The following FAM13C variants were observed in gnomAD, a reference collection of about 807,000 sequenced individuals.
FAM13C encodes the protein protein FAM13C.
FAM13C carries 37 observed loss-of-function variants against 73.2 expected under a neutral mutation model. That is an observed-to-expected ratio of 0.51 (90% CI 0.39 to 0.67). The LOEUF is 0.67. Ranked by LOEUF, FAM13C falls within the 30% of genes least tolerant of loss-of-function variation. The pLI, the probability that FAM13C is intolerant of heterozygous loss-of-function variation, is 0.00. For missense variants in FAM13C, 589 were observed against 715.6 expected (o/e 0.82, Z 2.02); for synonymous variants, 246 against 260.9 (o/e 0.94, Z 0.55).
chr10:59,336,814 G>A (rs549413475), intron 3 of FAM13C, among the ~76,000 whole-genome samples: 4 of 152,320 alleles, frequency 2.6e-5, no homozygotes, highest in South Asian at 2.1e-4. Flanking sequence ...ATAGAAAAAC[G>A]TTTGCAAAGC....
chr10:59,351,524 G>A (rs1319762055), intron 3 of FAM13C, among the ~76,000 whole-genome samples: 1 of 152,058 alleles, frequency 6.6e-6, no homozygotes, highest in South Asian at 2.1e-4. Context: ...ATACATACTA[G>A]TATGTTTATT....
intron 6 of FAM13C, among the ~76,000 whole-genome samples, chr10:59,271,613 T>C (rs1589411107): frequency 6.6e-6 from 1 of 152,268 alleles, no homozygotes; most frequent in East Asian, 1.9e-4. Flanking sequence ...TTGCCATGAA[T>C]AATTTACCCA....
Position 59,265,679 on chromosome 10 carries a change from G to A in FAM13C, c.943-1513C>T, listed in dbSNP as rs1387890494. ...AAGCCAGTGACTGCAAAAGAAATAA[G>A]TTTTTACTACGGTGCATAGAACTTA... is the stretch of plus-strand genomic sequence containing the variant. On this transcript the variant is annotated intron_variant, in intron 8 of 13. Transcript: ENST00000618804. Among the ~76,000 whole-genome samples the A allele has an allele frequency of 2.0e-5, 3 of 152,230 alleles. No homozygotes were observed. The East Asian group carries it at 5.8e-4, about 29-fold the overall frequency.
intron 4 of FAM13C, among the ~76,000 whole-genome samples, chr10:59,308,520 GCATCACCCCCAT>G (rs1176245416): frequency 1.5e-5 from 1 of 67,116 alleles, no homozygotes; most frequent in African/African-American, 4.5e-5. Flanking sequence ...CCACCCACCA[GCATCACCCCCAT>G]CATCACCCCC....
At chr10:59,290,264 T>C (rs1447864082) in intron 5 of FAM13C, among the ~76,000 whole-genome samples, 2 of 152,196 alleles carry the variant, frequency 1.3e-5, no homozygotes, top group East Asian at 3.9e-4. Flanking sequence ...TTGTCTGCAA[T>C]TCACCAGTCC....
intron 10 of FAM13C, among the ~76,000 whole-genome samples, chr10:59,255,032 ATTAC>A (rs925886902): frequency 6.6e-6 from 1 of 152,172 alleles, no homozygotes; most frequent in Non-Finnish European, 1.5e-5. Flanking sequence ...CTCTTCCTTA[ATTAC>A]TTCTTCATTC....
At chr10:59,306,676 G>GC (rs1848298095) in intron 4 of FAM13C, among the ~76,000 whole-genome samples, 1 of 151,976 alleles carries the variant, frequency 6.6e-6, no homozygotes, top group Admixed American at 6.5e-5. Context: ...AGGAGTTCGA[G>GC]ACCAGCCTGG....
chr10:59,338,832 G>A (rs115369870), intron 3 of FAM13C, among the ~76,000 whole-genome samples: 2,182 of 152,302 alleles, frequency 0.014, 54 homozygotes, highest in African/African-American at 0.05. Flanking sequence ...GGAGCAGCAA[G>A]GAGCCAGCCC....
At chr10:59,326,120 G>A (rs1357040111) in intron 3 of FAM13C, among the ~76,000 whole-genome samples, 1 of 152,026 alleles carries the variant, frequency 6.6e-6, no homozygotes, top group Non-Finnish European at 1.5e-5. Context: ...GCCAAACACT[G>A]TTGGATTCCC....
At position 59,270,000 on chromosome 10, in the gene FAM13C, G is replaced by A; in HGVS notation, c.702C>T (p.Asn234=). Residue 234 remains asparagine (N), a synonymous_variant, in exon 7 of 14, where the codon AAC becomes AAT. Coordinates refer to ENST00000618804, the MANE Select transcript of FAM13C (RefSeq NM_198215.4). ...RLLYHITDGD[N]PLLSPRCSIF... ...TGGAGCATCGTGGCGACAGCAGTGG[G>A]TTATCACCATCAGTGATGTGATAGA... The A allele has an allele frequency of 6.2e-7, 1 of 1,614,008 alleles. No individual in the cohort carries two copies.
rs1843329324 is a variant in FAM13C, at chr10:59,268,452, C to A, written c.942+101G>T. 7 of 1,490,020 alleles carry A rather than the reference C, an allele frequency of 4.7e-6. No individual in the cohort carries two copies. In the Admixed American group the frequency reaches 1.3e-4, roughly 27 times the overall value. The allele number at this position is 1,490,020 out of a possible 1,614,324, so 92.3% of individuals were successfully genotyped here. On this transcript the variant is annotated intron_variant, in intron 8 of 13. Transcript: ENST00000618804. Reference sequence around the variant, plus strand: ...GGTTGGCCCATGGGAACAGAGCTGTCCCCTGGCAAAGAAGGGCACCCAGAA... The same window carrying A: ...GGTTGGCCCATGGGAACAGAGCTGTACCCTGGCAAAGAAGGGCACCCAGAA...
At chr10:59,270,891 G>A (rs755124977) in intron 6 of FAM13C, among the ~76,000 whole-genome samples, 21 of 151,962 alleles carry the variant, frequency 1.4e-4, no homozygotes, top group African/African-American at 3.6e-4. Context: ...CCCTCTCCCC[G>A]GCTAGCCATC....
intron 3 of FAM13C, among the ~76,000 whole-genome samples, chr10:59,335,509 A>C (rs1302934285): frequency 2.6e-5 from 4 of 152,098 alleles, no homozygotes. Flanking sequence ...CCCAAAGGCT[A>C]CCCCACCCCC....
intron 6 of FAM13C, among the ~76,000 whole-genome samples, chr10:59,277,893 C>A (rs1589430252): frequency 6.6e-6 from 1 of 152,304 alleles, no homozygotes; most frequent in East Asian, 1.9e-4. Flanking sequence ...CACCCAGCCA[C>A]CCTCTACTCA....
In FAM13C at chr10:59,352,331, T is replaced by C. The variant is rs1477662627; in HGVS notation, c.263A>G (p.Lys88Arg). 3.1e-6 allele frequency: 5 copies of C among 1,614,200 alleles called. No homozygotes were observed. The highest frequency in any genetic ancestry group is 4.2e-6 in the Non-Finnish European group (5 of 1,180,040). The change falls in exon 3 of 14, where the codon AAG becomes AGG. Residue 88 changes from lysine to arginine, a missense_variant. By Grantham distance (26) the Lys-to-Arg change is conservative. Coordinates refer to ENST00000618804, the MANE Select transcript of FAM13C (RefSeq NM_198215.4). ...GAAGATGGACTTGGGCTTCCTGGACTTGAAGTTGCCCATGCTGGGTCGCAA... is the reference window on the plus strand; with the variant it reads ...GAAGATGGACTTGGGCTTCCTGGACCTGAAGTTGCCCATGCTGGGTCGCAA... ...SVLRPSMGNF[K>R]SRKPKSIFKA...
intron 10 of FAM13C, 72 bp from the exon 11 acceptor site, chr10:59,254,515 A>G: frequency 1.3e-6 from 1 of 793,876 alleles, no homozygotes; most frequent in East Asian, 2.9e-5. Context: ...TTAGCAGACA[A>G]AAAGCCTCAA....
chr10:59,331,906 G>A (rs1852043574), intron 3 of FAM13C, among the ~76,000 whole-genome samples: 1 of 152,180 alleles, frequency 6.6e-6, no homozygotes, highest in Admixed American at 6.5e-5. Context: ...GACACAGGAA[G>A]AGAAACAGTG....
chr10:59,358,540 T>C (rs1022371858), intron 1 of FAM13C, among the ~76,000 whole-genome samples: 3 of 152,324 alleles, frequency 2.0e-5, no homozygotes, highest in African/African-American at 2.4e-5. Context: ...GTAATGTGGA[T>C]AAAAATGTTT....
chr10:59,323,146 C>G (rs1052133669), intron 4 of FAM13C: 1 of 152,224 alleles, frequency 6.6e-6, no homozygotes, highest in Non-Finnish European at 1.5e-5. Flanking sequence ...GGCTCAGAAG[C>G]ACAGCCCTCC....
Sources: allele counts gnomAD v4.1 joint callset (sites outside exome capture counted in the v4.1 genomes callset), GRCh38; gene constraint gnomAD v4.1.1; transcripts MANE v1.5; gene names NCBI Gene and HGNC (gene_info 2026-07-23, HGNC 2026-07-21).